Variants in P2RY6 observed in about 807,000 individuals in gnomAD.
The protein encoded by P2RY6 is P2Y purinoceptor 6.
In P2RY6, 19 loss-of-function variants were observed where a neutral mutation model predicts 16.3. The observed-to-expected ratio is 1.16, with a 90% confidence interval of 0.81 to 1.71. The LOEUF is 1.71. P2RY6 is among the 40% of genes most tolerant of loss of function. The pLI, the probability that P2RY6 is intolerant of heterozygous loss-of-function variation, is 0.00. For missense variants in P2RY6, 389 were observed against 455.5 expected, an observed-to-expected ratio of 0.85 and a Z score of 1.33; for synonymous variants, 184 against 201.5, an observed-to-expected ratio of 0.91 and a Z score of 0.74.
chr11:73,291,975 C>G (rs1022114040), intron 1 of P2RY6, among the ~76,000 whole-genome samples: 1 of 152,266 alleles, frequency 6.6e-6, no homozygotes, highest in East Asian at 1.9e-4. Context: ...CAAAGCCCAC[C>G]TCCTCCAGGT....
intron 1 of P2RY6, 83 bp downstream of exon 1, chr11:73,272,549 C>T (rs1863357155): frequency 2.0e-6 from 2 of 977,138 alleles, no homozygotes; most frequent in Non-Finnish European, 2.4e-6. Context: ...AGTCCACTTG[C>T]AGCCACCGAG....
At chr11:73,270,572 G>A (rs574854733), upstream of P2RY6, among the ~76,000 whole-genome samples, 88 of 152,194 alleles carry the variant, frequency 5.8e-4, no homozygotes, top group Admixed American at 4.6e-4. Flanking sequence ...TGGGTCCAGC[G>A]CCCTCTCGCC....
intron 1 of P2RY6, among the ~76,000 whole-genome samples, chr11:73,280,079 C>A (rs1057198201): frequency 6.6e-6 from 1 of 152,184 alleles, no homozygotes; most frequent in Non-Finnish European, 1.5e-5. Context: ...GGGCCCCAGG[C>A]AGGTTGGGTC....
intron 1 of P2RY6, among the ~76,000 whole-genome samples, chr11:73,278,026 A>G (rs1205620728): frequency 6.6e-6 from 1 of 152,162 alleles, no homozygotes; most frequent in African/African-American, 2.4e-5. Flanking sequence ...TTTTATTATG[A>G]TAAAATATAC....
chr11:73,293,076 G>C (rs972609045), intron 1 of P2RY6, among the ~76,000 whole-genome samples: 1 of 152,188 alleles, frequency 6.6e-6, no homozygotes, highest in African/African-American at 2.4e-5. Flanking sequence ...CAGAGGAAGG[G>C]ATTCCACCCA....
intron 1 of P2RY6, among the ~76,000 whole-genome samples, chr11:73,293,517 G>C (rs547402253): frequency 6.6e-5 from 10 of 152,348 alleles, no homozygotes; most frequent in African/African-American, 2.4e-4. Flanking sequence ...CCAAAAGCTA[G>C]TGACAGATGT....
At chr11:73,280,488 A>G (rs1277854611) in intron 1 of P2RY6, among the ~76,000 whole-genome samples, 1 of 151,976 alleles carries the variant, frequency 6.6e-6, no homozygotes, top group Non-Finnish European at 1.5e-5. Context: ...CTCTACATAC[A>G]CTTGACCATT....
intron 1 of P2RY6, among the ~76,000 whole-genome samples, chr11:73,287,617 C>T (rs1479638825): frequency 6.6e-6 from 1 of 152,238 alleles, no homozygotes; most frequent in African/African-American, 2.4e-5. Context: ...GCCTGGTTAT[C>T]TGGGAGGATG....
At chr11:73,268,640 A>C (rs1391538969), upstream of P2RY6, among the ~76,000 whole-genome samples, 3 of 152,182 alleles carry the variant, frequency 2.0e-5, no homozygotes, top group Admixed American at 1.3e-4. Context: ...AAAGATGTCC[A>C]GTCTCCTCCT....
rs3741152 is a variant in P2RY6 at position 73,297,869 on chromosome 11, G to A, written c.*364G>A. 0.2 allele frequency: 49,455 copies of A among 248,772 alleles called. 9,053 individuals carry two copies. Among genetic ancestry groups the A allele is most frequent in the African/African-American group, 0.58 (25,642 of 44,126 alleles). 15.4% of individuals were successfully genotyped at this position (248,772 alleles called of 1,614,324 possible). A position where few individuals can be genotyped will look rare whatever the true frequency, so the allele number is the denominator to read the frequency against. On this transcript the variant is annotated 3_prime_UTR_variant, in exon 3 of 3. Transcript: ENST00000540124. The stretch of plus-strand genomic sequence containing the variant: ...CGGGTGAGGGAAGATGAGAGGGGGA[G>A]GTGAGAGCTTCTGGGAAGGGGCATT...
intron 1 of P2RY6, among the ~76,000 whole-genome samples, chr11:73,284,416 C>T (rs2135724258): frequency 6.6e-6 from 1 of 152,086 alleles, no homozygotes; most frequent in South Asian, 2.1e-4. Context: ...GGGAGTGATC[C>T]TGTGCAGGGA....
chr11:73,290,683 C>T (rs58041846), intron 1 of P2RY6, among the ~76,000 whole-genome samples: 192 of 152,382 alleles, frequency 1.3e-3, no homozygotes, highest in African/African-American at 4.3e-3. Flanking sequence ...GTGTCCAGGT[C>T]CCTCTGGCCC....
intron 1 of P2RY6, among the ~76,000 whole-genome samples, chr11:73,276,951 G>C (rs1863562755): frequency 6.6e-6 from 1 of 152,132 alleles, no homozygotes. Flanking sequence ...CCTCAGGTAG[G>C]TGAAAGGGAA....
chr11:73,291,657 T>C (rs1255050884), intron 1 of P2RY6, among the ~76,000 whole-genome samples: 1 of 152,214 alleles, frequency 6.6e-6, no homozygotes. Flanking sequence ...CCTGTAAAAA[T>C]GGCTTTGGGG....
chr11:73,275,312 G>A (rs1036180396), intron 1 of P2RY6, among the ~76,000 whole-genome samples: 4 of 152,182 alleles, frequency 2.6e-5, no homozygotes, highest in Non-Finnish European at 5.9e-5. Context: ...GTACCAGGAG[G>A]CAGATCTCAA....
intron 1 of P2RY6, among the ~76,000 whole-genome samples, chr11:73,289,058 A>G (rs545481355): frequency 1.4e-3 from 217 of 152,334 alleles, no homozygotes; most frequent in Middle Eastern, 3.4e-3. Flanking sequence ...TTTGGCCAAC[A>G]GGTCCCCTCA....
At position 73,296,703 on chromosome 11, in the gene P2RY6, C is replaced by G. The variant is rs1227715070; in HGVS notation, c.185C>G (p.Ala62Gly). ...CTSRRALTRT[A>G]VYTLNLALAD... ...TCCCGCCGGGCCCTGACCCGCACGG[C>G]CGTGTACACCCTAAACCTTGCTCTG... Residue 62 changes from alanine to glycine, a missense_variant, in exon 3 of 3, where the codon GCC becomes GGC. Ala to Gly is a moderately conservative substitution (Grantham distance 60). Transcript: ENST00000540124. 6.2e-6 allele frequency: 10 copies of G among 1,614,020 alleles called. No individual in the cohort carries two copies. Among genetic ancestry groups the G allele is most frequent in the African/African-American group, 1.3e-5 (1 of 75,040 alleles).
chr11:73,275,601 C>T (rs1863503892), intron 1 of P2RY6, among the ~76,000 whole-genome samples: 1 of 152,222 alleles, frequency 6.6e-6, no homozygotes, highest in African/African-American at 2.4e-5. Flanking sequence ...AGTCTCATTC[C>T]TCATGCCTTC....
chr11:73,272,445 C>T lies in P2RY6; in HGVS notation c.-142C>T, dbSNP rs376099751. The T allele has an allele frequency of 3.2e-5, 32 of 985,528 alleles. 1 individual carries two copies. In the East Asian group the frequency reaches 7.9e-4, roughly 24 times the overall value. The allele number at this position is 985,528 out of a possible 1,614,324, so 61.0% of individuals were successfully genotyped here. A position where few individuals can be genotyped will look rare whatever the true frequency, so the allele number is the denominator to read the frequency against. On this transcript the variant is annotated 5_prime_UTR_variant, in exon 1 of 3. Coordinates refer to ENST00000540124, the MANE Select transcript of P2RY6 (RefSeq NM_001277204.2). Reference sequence around the variant, plus strand: ...GCTCCAGCACTTCACGGACTGCAAGCGAGGCACTTGCTAACTCTTGGGTGA... The same window carrying T: ...GCTCCAGCACTTCACGGACTGCAAGTGAGGCACTTGCTAACTCTTGGGTGA...
Sources: gnomAD v4.1 joint callset for allele counts (sites outside exome capture counted in the v4.1 genomes callset) on GRCh38, gnomAD v4.1.1 for gene constraint, MANE v1.5 for transcripts, NCBI Gene and HGNC (gene_info 2026-07-23, HGNC 2026-07-21) for gene names.